Variants in INSL6 observed in about 807,000 individuals in gnomAD.
INSL6 encodes the protein insulin like 6.
In INSL6, 16 loss-of-function variants were observed where a neutral mutation model predicts 9.4. The ratio of observed to expected loss-of-function variants is 1.70; its 90% confidence interval spans 1.15 to 2.59. The LOEUF (loss-of-function observed/expected upper bound fraction) is 2.59. Ranked by LOEUF, INSL6 falls within the 30% of genes most tolerant of loss-of-function variation. The pLI, the probability that INSL6 is intolerant of heterozygous loss-of-function variation, is 0.00. For synonymous variants in INSL6, 154 were observed against 96.9 expected (o/e 1.59, Z -3.46); for missense variants, 391 against 257.3 (o/e 1.52, Z -3.56).
At chr9:5,003,087 C>G in the INSL6 span, among the ~76,000 whole-genome samples, 1 of 151,832 alleles carries the variant, frequency 6.6e-6, no homozygotes, top group Non-Finnish European at 1.5e-5. Flanking sequence ...TTCCATTTGT[C>G]TATTTGTTCA....
the INSL6 span, among the ~76,000 whole-genome samples, chr9:5,009,686 T>C: frequency 2.6e-5 from 4 of 152,208 alleles, no homozygotes; most frequent in African/African-American, 9.6e-5. Context: ...TTGATAATCA[T>C]TGCATATTTA....
At chr9:5,063,689 A>G in the INSL6 span, among the ~76,000 whole-genome samples, 1 of 152,226 alleles carries the variant, frequency 6.6e-6, no homozygotes, top group African/African-American at 2.4e-5. Context: ...AAAAAGTTGC[A>G]TAAGAGTGTT....
At chr9:5,058,175 C>G in the INSL6 span, among the ~76,000 whole-genome samples, 2 of 152,136 alleles carry the variant, frequency 1.3e-5, no homozygotes, top group African/African-American at 4.8e-5. Flanking sequence ...CTCTTGAAAA[C>G]TCTGCTTTCA....
At chr9:5,072,002 A>G in the INSL6 span, among the ~76,000 whole-genome samples, 5 of 152,180 alleles carry the variant, frequency 3.3e-5, no homozygotes. Flanking sequence ...GATCATAACA[A>G]TCCTATGGGA....
the INSL6 span, among the ~76,000 whole-genome samples, chr9:5,033,160 A>G: frequency 6.6e-6 from 1 of 152,222 alleles, no homozygotes; most frequent in Non-Finnish European, 1.5e-5. Flanking sequence ...TGGAAGATGA[A>G]ATGAATGAAA....
the INSL6 span, among the ~76,000 whole-genome samples, chr9:5,103,082 T>G: frequency 4.6e-5 from 7 of 151,190 alleles, no homozygotes; most frequent in African/African-American, 1.7e-4. Flanking sequence ...ATGCCCCAAT[T>G]AAAAAACACA....
intron 2 of INSL6, among the ~76,000 whole-genome samples, chr9:5,146,353 T>C (rs543232795): frequency 2.6e-5 from 4 of 152,286 alleles, no homozygotes; most frequent in African/African-American, 9.6e-5. Context: ...ATCGGAGTGC[T>C]AGTGGATTCA....
intron 3 of INSL6, among the ~76,000 whole-genome samples, chr9:5,129,296 T>TTTTC (rs1327811849): frequency 6.6e-6 from 1 of 152,038 alleles, no homozygotes; most frequent in Admixed American, 6.6e-5. Context: ...TCAGAAGCGA[T>TTTTC]TTTCTTTTGC....
chr9:5,000,256 G>A, the INSL6 span, among the ~76,000 whole-genome samples: 1 of 151,926 alleles, frequency 6.6e-6, no homozygotes, highest in African/African-American at 2.4e-5. Context: ...GGTTTAGAAA[G>A]GAGGTACATA....
intron 3 of INSL6, among the ~76,000 whole-genome samples, chr9:5,130,407 G>C (rs1043727482): frequency 6.6e-6 from 1 of 152,172 alleles, no homozygotes; most frequent in Non-Finnish European, 1.5e-5. Flanking sequence ...ATAGATCAAG[G>C]TGGTATGGAA....
intron 3 of INSL6, chr9:5,126,475 T>C (rs1214053460): frequency 1.4e-6 from 2 of 1,426,100 alleles, no homozygotes; most frequent in East Asian, 2.3e-5. Context: ...TCCAGGGTAG[T>C]CATGCATTTT....
the INSL6 span, among the ~76,000 whole-genome samples, chr9:5,015,908 T>A: frequency 1.3e-5 from 2 of 151,270 alleles, no homozygotes; most frequent in African/African-American, 4.9e-5. Flanking sequence ...GAGTAAAAAA[T>A]ATCCTGAATA....
At chr9:5,018,451 C>T in the INSL6 span, among the ~76,000 whole-genome samples, 1 of 152,116 alleles carries the variant, frequency 6.6e-6, no homozygotes. Context: ...ATCCTTCTGC[C>T]TCAGCCTCTC....
chr9:5,038,602 T>G, the INSL6 span, among the ~76,000 whole-genome samples: 1 of 151,856 alleles, frequency 6.6e-6, no homozygotes, highest in East Asian at 1.9e-4. Context: ...TTAGATTTTT[T>G]TTTTTTTTTT....
At chr9:5,169,174 C>T (rs1258655142) in intron 1 of INSL6, among the ~76,000 whole-genome samples, 1 of 152,238 alleles carries the variant, frequency 6.6e-6, no homozygotes, top group Non-Finnish European at 1.5e-5. Context: ...GATCCACCTG[C>T]CTTGGCCTCC....
chr9:5,103,454 T>A, the INSL6 span, among the ~76,000 whole-genome samples: 2 of 151,858 alleles, frequency 1.3e-5, no homozygotes, highest in African/African-American at 4.8e-5. Flanking sequence ...AGACTTAGAC[T>A]CCCACACAAT....
At chr9:5,098,567 G>A in the INSL6 span, 1 of 152,040 alleles carries the variant, frequency 6.6e-6, no homozygotes, top group African/African-American at 2.4e-5. Flanking sequence ...TAATTTTAAG[G>A]CCTCTCATCC....
chr9:5,043,983 A>G, the INSL6 span, among the ~76,000 whole-genome samples: 2 of 152,228 alleles, frequency 1.3e-5, no homozygotes, highest in African/African-American at 4.8e-5. Flanking sequence ...TTACTAAAAG[A>G]CAATATAGAG....
chr9:4,994,325 G>A, the INSL6 span, among the ~76,000 whole-genome samples: 43 of 152,266 alleles, frequency 2.8e-4, no homozygotes, highest in African/African-American at 9.9e-4. Flanking sequence ...TACTAGAACT[G>A]TTTCCTAACC....
Sources: gnomAD v4.1 joint callset for allele counts (sites outside exome capture counted in the v4.1 genomes callset) on GRCh38, gnomAD v4.1.1 for gene constraint, MANE v1.5 for transcripts, NCBI Gene and HGNC (gene_info 2026-07-23, HGNC 2026-07-21) for gene names.